The following ARHGAP27 variants were observed in gnomAD, a reference collection of about 807,000 sequenced individuals.
ARHGAP27 encodes the protein rho GTPase-activating protein 27.
A neutral mutation model predicts 102.0 loss-of-function variants in ARHGAP27; 53 were observed. That is an observed-to-expected ratio of 0.52 (90% CI 0.42 to 0.65). The LOEUF is 0.65. ARHGAP27 is among the 30% of genes least tolerant of loss of function. ARHGAP27 has a pLI of 0.00. For synonymous variants in ARHGAP27, 525 were observed against 542.8 expected, an observed-to-expected ratio of 0.97 and a Z score of 0.46; for missense variants, 1,117 against 1,256.2, an observed-to-expected ratio of 0.89 and a Z score of 1.68.
chr17:45,428,715 T>C (rs1488526257), intron 4 of ARHGAP27, among the ~76,000 whole-genome samples: 1 of 152,064 alleles, frequency 6.6e-6, no homozygotes, highest in Non-Finnish European at 1.5e-5. Flanking sequence ...CCCTTTGGGC[T>C]AAAGAACAAA....
intron 12 of ARHGAP27, among the ~76,000 whole-genome samples, chr17:45,400,694 C>T (rs935893811): frequency 1.3e-5 from 2 of 152,052 alleles, no homozygotes; most frequent in Admixed American, 6.6e-5. Flanking sequence ...GCAGGTAAAT[C>T]ACCTGAGGCC....
chr17:45,396,697 T>C lies in ARHGAP27; in HGVS notation c.2045A>G (p.Gln682Arg). The change falls in exon 15 of 20, where the codon CAG becomes CGG. Residue 682 changes from glutamine (Q) to arginine (R), a missense_variant. Gln to Arg is a conservative substitution (Grantham distance 43, BLOSUM62 1). Around this residue, in one of 3 missense-constraint regions of ARHGAP27, gnomAD observed 493 missense variants for 505.5 expected, o/e 0.98. Transcript: ENST00000685559. ...RKFLQRRPTL[Q>R]SLREKGYIKD... ...GATGTAGCCCTTCTCCCGCAGCGAC[T>C]GCAGTGTGGGCCGCCTCTGGAGGAA... 8 of 1,613,846 alleles carry C rather than the reference T, an allele frequency of 5.0e-6. No homozygotes were observed. Among genetic ancestry groups the C allele is most frequent in the Non-Finnish European group, 6.8e-6 (8 of 1,179,784 alleles).
intron 10 of ARHGAP27, 152 bp from the exon 11 acceptor site, chr17:45,403,861 C>A: frequency 1.0e-6 from 1 of 985,602 alleles, no homozygotes; most frequent in Non-Finnish European, 1.5e-6. Flanking sequence ...ACCTAGCAGC[C>A]GAGGGACCTT....
chr17:45,404,955 A>T lies in ARHGAP27; in HGVS notation c.1217T>A (p.Met406Lys). The T allele has an allele frequency of 6.2e-7, 1 of 1,613,968 alleles. No homozygotes were observed. Among genetic ancestry groups the T allele is most frequent in the Non-Finnish European group, 8.5e-7 (1 of 1,179,954 alleles). ...WSCHVSQDKQ[M>K]LYTNHFTQEQ... Reference sequence around the variant, plus strand: ...CTGAGTGAAGTGGTTGGTGTAGAGCATCTGCTTGTCCTGGCTGACATGACA... The same window carrying T: ...CTGAGTGAAGTGGTTGGTGTAGAGCTTCTGCTTGTCCTGGCTGACATGACA... The change falls in exon 6 of 20, where the codon ATG becomes AAG. Residue 406 changes from methionine to lysine, a missense_variant. Coordinates refer to ENST00000685559, the MANE Select transcript of ARHGAP27 (RefSeq NM_001282290.2).
In ARHGAP27 at chr17:45,430,152, T is replaced by C; in HGVS notation, c.128A>G (p.Glu43Gly). The change falls in exon 4 of 20, where the codon GAG (glutamate) becomes GGG (glycine). Residue 43 changes from glutamate to glycine, a missense_variant. By Grantham distance (98) the Glu-to-Gly change is moderately conservative. Transcript: ENST00000685559. This position sits in a 1 kb window ranked among gnomAD's most constrained non-coding sequence, Gnocchi z 4.4. ...ERYRLLRRST[E>G]HWWHVRREPG... is the part of the protein sequence containing the mutation. Reference sequence around the variant, plus strand: ...CTCACGCCGCACGTGCCACCAGTGCTCGGTGCTGCGCCGCAGCAGCCGGTA... The same window carrying C: ...CTCACGCCGCACGTGCCACCAGTGCCCGGTGCTGCGCCGCAGCAGCCGGTA... 1 of 1,534,548 alleles carries C rather than the reference T, an allele frequency of 6.5e-7. No homozygotes were observed. Among genetic ancestry groups the C allele is most frequent in the Non-Finnish European group, 8.7e-7 (1 of 1,146,926 alleles).
At chr17:45,410,468 G>C in intron 4 of ARHGAP27, 3 of 1,333,098 alleles carry the variant, frequency 2.3e-6, no homozygotes, top group Non-Finnish European at 2.9e-6. Context: ...GAGTTGGGGC[G>C]GGTGGGGTGG....
Position 45,429,855 on chromosome 17 carries a change from C to A in ARHGAP27, c.425G>T (p.Cys142Phe). Reference protein sequence around the residue: ...RSSLAPGLPACLYLRPAAPVR... With the variant: ...RSSLAPGLPAFLYLRPAAPVR... ...GGGCGCCGCGGGCCGCAGGTACAGG[C>A]AGGCTGGCAGGCCGGGCGCCAGGCT... The change falls in exon 4 of 20, where the codon TGC (cysteine) becomes TTC (phenylalanine). Residue 142 changes from cysteine (C) to phenylalanine (F), a missense_variant. Transcript: ENST00000685559. 4 of 1,345,696 alleles carry A rather than the reference C, an allele frequency of 3.0e-6. No homozygotes were observed. The highest frequency in any genetic ancestry group is 1.9e-6 in the Non-Finnish European group (2 of 1,055,050). The allele number at this position is 1,345,696 out of a possible 1,614,324, so 83.4% of individuals were successfully genotyped here. A position where few individuals can be genotyped will look rare whatever the true frequency, so the allele number is the denominator to read the frequency against.
At chr17:45,400,922 T>A (rs1285495261) in intron 12 of ARHGAP27, among the ~76,000 whole-genome samples, 2 of 149,686 alleles carry the variant, frequency 1.3e-5, no homozygotes, top group African/African-American at 4.9e-5. Flanking sequence ...ATAATAATCA[T>A]AATCATAATC....
intron 4 of ARHGAP27, among the ~76,000 whole-genome samples, chr17:45,421,375 A>AG (rs57636392): frequency 0.025 from 3,841 of 151,354 alleles, 154 homozygotes; most frequent in African/African-American, 0.089. Context: ...CCAGCTTCTC[A>AG]GGAGACTGAG....
chr17:45,405,836 T>C lies in ARHGAP27; in HGVS notation c.905A>G (p.Glu302Gly). Residue 302 changes from glutamate to glycine, a missense_variant, in exon 5 of 20, where the codon GAG becomes GGG. Coordinates refer to ENST00000685559, the MANE Select transcript of ARHGAP27 (RefSeq NM_001282290.2). The part of the protein sequence containing the change: ...PASVDSHVSL[E>G]TEWGQYWDEE... ...ATCCCAGTACTGGCCCCACTCGGTC[T>C]CAAGGCTCACGTGGCTGTCCACCGA... 6.5e-7 allele frequency: 1 copy of C among 1,537,032 alleles called. No individual in the cohort carries two copies.
chr17:45,413,023 A>C (rs1195246186), intron 4 of ARHGAP27, among the ~76,000 whole-genome samples: 3 of 110,716 alleles, frequency 2.7e-5, no homozygotes, highest in African/African-American at 1.1e-4. Flanking sequence ...TCTGTCACCC[A>C]GGCTGGGGTG....
At chr17:45,424,727 C>T (rs2049385121) in intron 4 of ARHGAP27, among the ~76,000 whole-genome samples, 1 of 151,912 alleles carries the variant, frequency 6.6e-6, no homozygotes. Context: ...GCACACCAGT[C>T]GGGTGACGGG....
chr17:45,407,519 C>CT (rs3973543), intron 4 of ARHGAP27: 3,530 of 142,960 alleles, frequency 0.025, 106 homozygotes, highest in African/African-American at 0.068. Context: ...TCTTTTTTTT[C>CT]TTTTTTTTTT....
chr17:45,407,055 C>G (rs928173933), intron 4 of ARHGAP27, among the ~76,000 whole-genome samples: 1 of 152,178 alleles, frequency 6.6e-6, no homozygotes, highest in Non-Finnish European at 1.5e-5. Flanking sequence ...GGAACAGAGG[C>G]TCTCCTGATT....
intron 4 of ARHGAP27, among the ~76,000 whole-genome samples, chr17:45,424,908 C>T (rs1019037870): frequency 3.3e-5 from 5 of 151,948 alleles, no homozygotes; most frequent in African/African-American, 1.2e-4. Context: ...TGGGGCCCAT[C>T]GCAGGCCCCT....
rs1162046170 is a variant in ARHGAP27 at position 45,427,568 on chromosome 17, C to G, written c.657+2055G>C. 6.6e-6 allele frequency among the ~76,000 whole-genome samples: 1 copy of G among 152,204 alleles called. No homozygotes were observed. The highest frequency in any genetic ancestry group is 2.4e-5 in the African/African-American group (1 of 41,454). ...TAAGAGCAGGGATGGGGTTCCCTTG[C>G]GGGGGCAGGGCCAACTCCCTACCCT... On this transcript the variant is annotated intron_variant, in intron 4 of 19. Coordinates refer to ENST00000685559, the MANE Select transcript of ARHGAP27 (RefSeq NM_001282290.2). The surrounding 1 kb of genome is among the most constrained non-coding windows in gnomAD (Gnocchi z 4.5).
At chr17:45,420,916 A>G (rs2048968830) in intron 4 of ARHGAP27, among the ~76,000 whole-genome samples, 1 of 138,520 alleles carries the variant, frequency 7.2e-6, no homozygotes, top group South Asian at 2.4e-4. Flanking sequence ...ATGCCACTGC[A>G]CTCCAGCCTG....
intron 8 of ARHGAP27, 54 bp from the exon 9 acceptor site, chr17:45,404,388 A>G: frequency 1.9e-6 from 3 of 1,613,624 alleles, no homozygotes; most frequent in Non-Finnish European, 1.7e-6. Flanking sequence ...GGAACTCCAG[A>G]AGCCCCCCAC....
At chr17:45,420,029 T>C (rs1230078) in intron 4 of ARHGAP27, among the ~76,000 whole-genome samples, 110,015 of 152,070 alleles carry the variant, frequency 0.72, 40,305 homozygotes, top group African/African-American at 0.82. Flanking sequence ...CATTGGTATA[T>C]GCCTCATGGG....
Sources: allele counts gnomAD v4.1 joint callset (sites outside exome capture counted in the v4.1 genomes callset), GRCh38; gene constraint gnomAD v4.1.1; regional missense constraint gnomAD v4.1.1; non-coding constraint Gnocchi (gnomAD v3.1); transcripts MANE v1.5; gene names NCBI Gene and HGNC (gene_info 2026-07-23, HGNC 2026-07-21).